CCDC7: variants seen among roughly 807,000 people sequenced by gnomAD.
CCDC7 encodes the protein coiled-coil domain-containing protein 7.
A neutral mutation model predicts 196.9 loss-of-function variants in CCDC7; 183 were observed. That is an observed-to-expected ratio of 0.93 (90% CI 0.82 to 1.05). The LOEUF (loss-of-function observed/expected upper bound fraction) is 1.05, where lower values mean the gene tolerates loss of function less well. CCDC7 is among the 50% of genes least tolerant of loss of function. CCDC7 has a pLI of 0.00. For synonymous variants in CCDC7, 525 were observed against 484.6 expected, an observed-to-expected ratio of 1.08 and a Z score of -1.10; for missense variants, 1,540 against 1,482.2, an observed-to-expected ratio of 1.04 and a Z score of -0.64.
At chr10:32,788,260 C>G (rs1479944912) in intron 29 of CCDC7, among the ~76,000 whole-genome samples, 1 of 152,160 alleles carries the variant, frequency 6.6e-6, no homozygotes, top group African/African-American at 2.4e-5. Context: ...AAGCCTGCCC[C>G]ATTGTCAGGT....
intron 24 of CCDC7, among the ~76,000 whole-genome samples, chr10:32,709,087 A>G (rs1206376167): frequency 1.3e-5 from 2 of 152,238 alleles, no homozygotes; most frequent in East Asian, 1.9e-4. Flanking sequence ...TCCCTCAGTG[A>G]TAGACTGGAT....
At chr10:32,803,625 T>C (rs992548220) in intron 29 of CCDC7, among the ~76,000 whole-genome samples, 2 of 152,152 alleles carry the variant, frequency 1.3e-5, no homozygotes, top group African/African-American at 4.8e-5. Flanking sequence ...TGTGTGTCTT[T>C]ACAGGTAAAA....
chr10:32,448,120 A>G (rs1014903389), upstream of CCDC7, among the ~76,000 whole-genome samples: 1 of 152,212 alleles, frequency 6.6e-6, no homozygotes, highest in African/African-American at 2.4e-5. Flanking sequence ...AGTGTTAACT[A>G]TAGTGTTTCA....
rs747897944 is a variant in CCDC7 at position 32,846,478 on chromosome 10, G to T, written c.3688+19G>T. Reference sequence around the variant, plus strand: ...CACCAGGGTAAGAAAAATAATTTTTGAGTCTAATATTTGTGACCTATTTAT... The same window carrying T: ...CACCAGGGTAAGAAAAATAATTTTTTAGTCTAATATTTGTGACCTATTTAT... On this transcript the variant is annotated intron_variant, in intron 37 of 41. Coordinates refer to ENST00000639629, the Ensembl canonical transcript of CCDC7. 8 of 1,482,806 alleles carry T rather than the reference G, an allele frequency of 5.4e-6. No individual in the cohort carries two copies. The highest frequency in any genetic ancestry group is 2.3e-5 in the East Asian group (1 of 43,900). 91.9% of individuals were successfully genotyped at this position (1,482,806 alleles called of 1,614,324 possible).
chr10:32,664,064 T>C (rs78766756), exon 21 of CCDC7: 5 of 396,476 alleles, frequency 1.3e-5, no homozygotes, highest in Admixed American at 8.8e-5. Context: ...CTCATAATGA[T>C]GTACCAGAAG....
intron 20 of CCDC7, among the ~76,000 whole-genome samples, chr10:32,655,424 A>G (rs1230512165): frequency 2.0e-5 from 3 of 152,166 alleles, no homozygotes; most frequent in Non-Finnish European, 4.4e-5. Flanking sequence ...TTGTTCTAAT[A>G]GGTGTGAGGT....
chr10:32,714,507 T>A (rs1047934278), intron 25 of CCDC7, among the ~76,000 whole-genome samples: 2 of 151,854 alleles, frequency 1.3e-5, no homozygotes, highest in East Asian at 3.9e-4. Context: ...GTTGCAGGAG[T>A]TTTTTTCATA....
chr10:32,854,796 C>T (rs1357867885), intron 41 of CCDC7, among the ~76,000 whole-genome samples: 2 of 152,190 alleles, frequency 1.3e-5, no homozygotes, highest in African/African-American at 4.8e-5. Flanking sequence ...GATGTGAATG[C>T]ATCCTAATTT....
At chr10:32,850,765 GTC>G (rs2093524306) in intron 39 of CCDC7, among the ~76,000 whole-genome samples, 2 of 145,398 alleles carry the variant, frequency 1.4e-5, no homozygotes, top group African/African-American at 5.3e-5. Context: ...AATGTCACTT[GTC>G]TCTGACAACA....
chr10:32,765,709 T>G (rs964375172), intron 28 of CCDC7, among the ~76,000 whole-genome samples: 13 of 152,070 alleles, frequency 8.5e-5, no homozygotes, highest in African/African-American at 3.1e-4. Context: ...CTATTTGTCC[T>G]GTTCAGAAAA....
chr10:32,455,539 A>T (rs2034148528), intron 2 of CCDC7, among the ~76,000 whole-genome samples: 1 of 151,316 alleles, frequency 6.6e-6, no homozygotes, highest in South Asian at 2.1e-4. Flanking sequence ...CTGGTCTTGA[A>T]CTCCTGACCT....
intron 25 of CCDC7, among the ~76,000 whole-genome samples, chr10:32,722,972 C>T (rs549687531): frequency 6.6e-6 from 1 of 152,114 alleles, no homozygotes; most frequent in Non-Finnish European, 1.5e-5. Context: ...GTTTTGAAAG[C>T]TGAGACATCG....
intron 24 of CCDC7, among the ~76,000 whole-genome samples, chr10:32,701,769 T>C (rs530813463): frequency 6.6e-6 from 1 of 152,308 alleles, no homozygotes; most frequent in South Asian, 2.1e-4. Context: ...TTGAGGAATT[T>C]ATCCATTTCT....
chr10:32,466,258 T>C (rs1182603989), intron 5 of CCDC7, among the ~76,000 whole-genome samples: 2 of 107,334 alleles, frequency 1.9e-5, no homozygotes, highest in African/African-American at 4.4e-5. Flanking sequence ...TTCTCTCTCT[T>C]TTTTTTTTTT....
rs188843550 is a variant in CCDC7, at chr10:32,620,870, C to T, written c.1802-13384C>T. ...TTAAGGAGGATACTGTATTCCTTCA[C>T]GATTGTAAATATGGTATGCAGAGTT... On this transcript the variant is annotated intron_variant, in intron 18 of 41. Transcript: ENST00000639629. Among the ~76,000 whole-genome samples the T allele has an allele frequency of 8.2e-4, 125 of 152,244 alleles. 2 individuals are homozygous for T. The highest frequency in any genetic ancestry group is 3.4e-3 in the Middle Eastern group (1 of 294).
chr10:32,769,399 T>A (rs1354524590), intron 28 of CCDC7, among the ~76,000 whole-genome samples: 2 of 152,016 alleles, frequency 1.3e-5, no homozygotes, highest in Non-Finnish European at 2.9e-5. Context: ...TTTTGGTTAG[T>A]CTAGATAGTG....
At chr10:32,783,429 A>G (rs981415421) in intron 29 of CCDC7, among the ~76,000 whole-genome samples, 2 of 152,206 alleles carry the variant, frequency 1.3e-5, no homozygotes, top group African/African-American at 4.8e-5. Flanking sequence ...TGGCCATTAG[A>G]GAAATGCAAA....
At chr10:32,854,007 T>C (rs549194503) in intron 40 of CCDC7, among the ~76,000 whole-genome samples, 12 of 152,186 alleles carry the variant, frequency 7.9e-5, no homozygotes, top group Non-Finnish European at 1.8e-4. Flanking sequence ...CAGTGCCCAA[T>C]AGGCAGTTTT....
intron 11 of CCDC7, among the ~76,000 whole-genome samples, chr10:32,541,220 C>T (rs1199342063): frequency 6.6e-6 from 1 of 152,146 alleles, no homozygotes; most frequent in Non-Finnish European, 1.5e-5. Flanking sequence ...AGGCATGGCT[C>T]ACCTGGCTAC....
Sources: allele counts gnomAD v4.1 joint callset (sites outside exome capture counted in the v4.1 genomes callset), GRCh38; gene constraint gnomAD v4.1.1; transcripts MANE v1.5; gene names NCBI Gene and HGNC (gene_info 2026-07-23, HGNC 2026-07-21).